ATP1B2: variants seen among roughly 807,000 people sequenced by gnomAD.
ATP1B2 encodes the protein sodium/potassium-transporting ATPase subunit beta-2.
A neutral mutation model predicts 37.3 loss-of-function variants in ATP1B2; 12 were observed. The observed-to-expected ratio is 0.32, with a 90% CI of 0.21 to 0.52. ATP1B2 has a LOEUF of 0.52. Ranked by LOEUF, ATP1B2 falls within the 20% of genes least tolerant of loss-of-function variation. The pLI, the probability that ATP1B2 is intolerant of heterozygous loss-of-function variation, is 0.96. For synonymous variants in ATP1B2, 139 were observed against 140.5 expected, an observed-to-expected ratio of 0.99 and a Z score of 0.07; for missense variants, 324 against 391.6, an observed-to-expected ratio of 0.83 and a Z score of 1.46.
chr17:7,647,049 A>G (rs956581620), upstream of ATP1B2, among the ~76,000 whole-genome samples: 1 of 149,186 alleles, frequency 6.7e-6, no homozygotes, highest in Non-Finnish European at 1.5e-5. Context: ...TTGGATCACC[A>G]TGATCACGCC....
Position 7,655,099 on chromosome 17 carries a change from C to T in ATP1B2, c.609+415C>T, listed in dbSNP as rs2072641183. The T allele has an allele frequency of 6.5e-6, 2 of 307,498 alleles. No individual in the cohort carries two copies. The highest frequency in any genetic ancestry group is 9.1e-5 in the South Asian group (2 of 21,928). The allele number at this position is 307,498 out of a possible 1,614,324, so 19.0% of individuals were successfully genotyped here. A position where few individuals can be genotyped will look rare whatever the true frequency, so the allele number is the denominator to read the frequency against. ...CTGTTAGCACCATCTGCCACCAGTT[C>T]GTTGTCCTTGGGACCCTGTTCCCCG... On this transcript the variant is annotated intron_variant, in intron 5 of 6. Transcript: ENST00000250111. This position sits in a 1 kb window ranked among gnomAD's most constrained non-coding sequence, Gnocchi z 4.4.
At position 7,656,036 on chromosome 17, in the gene ATP1B2, G is replaced by C; in HGVS notation, c.*141G>C. On this transcript the variant is annotated 3_prime_UTR_variant, in exon 7 of 7. Coordinates refer to ENST00000250111, the MANE Select transcript of ATP1B2 (RefSeq NM_001678.5). Reference sequence around the variant, plus strand: ...GTCTGAGCCTCACATCCTTTTCCTTGACTTCTCAACCCAGCCTGAAGTCCA... The same window carrying C: ...GTCTGAGCCTCACATCCTTTTCCTTCACTTCTCAACCCAGCCTGAAGTCCA... 5.1e-6 allele frequency: 6 copies of C among 1,186,046 alleles called. No homozygotes were observed. In the South Asian group the frequency reaches 7.7e-5, roughly 15 times the overall value. 73.5% of individuals were successfully genotyped at this position (1,186,046 alleles called of 1,614,324 possible).
Position 7,656,220 on chromosome 17 carries a change from G to A in ATP1B2, c.*325G>A, listed in dbSNP as rs982045682. 1 of 333,140 alleles carries A rather than the reference G, an allele frequency of 3.0e-6. No individual in the cohort carries two copies. Among genetic ancestry groups the A allele is most frequent in the Non-Finnish European group, 5.7e-6 (1 of 176,684 alleles). 20.6% of individuals were successfully genotyped at this position (333,140 alleles called of 1,614,324 possible). A position where few individuals can be genotyped will look rare whatever the true frequency, so the allele number is the denominator to read the frequency against. On this transcript the variant is annotated 3_prime_UTR_variant, in exon 7 of 7. Coordinates refer to ENST00000250111, the MANE Select transcript of ATP1B2 (RefSeq NM_001678.5). ...TCTCCTGCCTGCATATCCCCTGAGA[G>A]TTATAGGAAGTGCCCACTGACCCAC...
rs747942023 is a variant in ATP1B2, at chr17:7,653,487, C to T, written c.226C>T (p.Arg76Ter). The change falls in exon 2 of 7, where the codon CGA (arginine) becomes TGA (stop). Residue 76 changes from arginine to a stop codon, truncating the protein, a stop_gained. Transcript: ENST00000250111. LOFTEE classifies it high-confidence loss of function. ...CGACCATACCCCCAAGTACCAGGAC[C>T]GACTGGCCACACCGGGTGAGTGTGG... is the stretch of plus-strand genomic sequence containing the variant. ...VSDHTPKYQD[R>*]LATPGLMIRP... 4 of 1,613,944 alleles carry T rather than the reference C, an allele frequency of 2.5e-6. No homozygotes were observed. Among genetic ancestry groups the T allele is most frequent in the East Asian group, 2.2e-5 (1 of 44,896 alleles).
In ATP1B2 at chr17:7,655,344, A is replaced by C. The variant is rs1292272840; in HGVS notation, c.610-183A>C. On this transcript the variant is annotated intron_variant, in intron 5 of 6. Transcript: ENST00000250111. This position sits in a 1 kb window ranked among gnomAD's most constrained non-coding sequence, Gnocchi z 4.4. ...CCTAGAATGATGACAGGGACAGACC[A>C]TCCCCTCATCTACACACGCACATGC... is the stretch of plus-strand genomic sequence containing the variant. 3 of 613,010 alleles carry C rather than the reference A, an allele frequency of 4.9e-6. No individual in the cohort carries two copies. Among genetic ancestry groups the C allele is most frequent in the Non-Finnish European group, 8.6e-6 (3 of 348,656 alleles). The allele number at this position is 613,010 out of a possible 1,614,324, so 38.0% of individuals were successfully genotyped here. A position where few individuals can be genotyped will look rare whatever the true frequency, so the allele number is the denominator to read the frequency against.
Position 7,656,086 on chromosome 17 carries a change from C to T in ATP1B2, c.*191C>T. 1.4e-6 allele frequency: 1 copy of T among 730,938 alleles called. No homozygotes were observed. The highest frequency in any genetic ancestry group is 2.2e-6 in the Non-Finnish European group (1 of 458,044). The allele number at this position is 730,938 out of a possible 1,614,324, so 45.3% of individuals were successfully genotyped here. On this transcript the variant is annotated 3_prime_UTR_variant, in exon 7 of 7. Transcript: ENST00000250111. The stretch of plus-strand genomic sequence containing the variant: ...ATTGCGGTTCCGTCACTCGCCTTTC[C>T]CACCAACTTCTCCCAACCTCAGATC...
upstream of ATP1B2, among the ~76,000 whole-genome samples, chr17:7,647,182 A>G (rs2072580396): frequency 6.6e-6 from 1 of 151,570 alleles, no homozygotes; most frequent in Non-Finnish European, 1.5e-5. Context: ...GAACTTGGCT[A>G]TGAACGTGGA....
upstream of ATP1B2, among the ~76,000 whole-genome samples, chr17:7,649,372 C>A (rs536453218): frequency 1.3e-5 from 2 of 151,962 alleles, no homozygotes; most frequent in African/African-American, 2.4e-5. Flanking sequence ...CTGGGCCTGG[C>A]CGAGATAATG....
At chr17:7,652,606 G>A (rs184058005) in intron 1 of ATP1B2, among the ~76,000 whole-genome samples, 1 of 152,332 alleles carries the variant, frequency 6.6e-6, no homozygotes, top group East Asian at 1.9e-4. Context: ...CAATGCTTGG[G>A]AGAGCCAGAG....
chr17:7,647,099 CAAA>C (rs34937578), upstream of ATP1B2, among the ~76,000 whole-genome samples: 11 of 78,280 alleles, frequency 1.4e-4, no homozygotes, highest in East Asian at 3.3e-4. Flanking sequence ...GAGACTATCT[CAAA>C]AAAAAAAAAA....
chr17:7,654,279 A>G lies in ATP1B2; in HGVS notation c.552+22A>G. 2 of 1,612,806 alleles carry G rather than the reference A, an allele frequency of 1.2e-6. No homozygotes were observed. Among genetic ancestry groups the G allele is most frequent in the Non-Finnish European group, 1.7e-6 (2 of 1,179,228 alleles). On this transcript the variant is annotated intron_variant, in intron 4 of 6. Coordinates refer to ENST00000250111, the MANE Select transcript of ATP1B2 (RefSeq NM_001678.5). The surrounding 1 kb of genome is among the most constrained non-coding windows in gnomAD (Gnocchi z 4.9). ...CCGGGTATCTATGACCTTGGTCCCC[A>G]GGGTGAATGGAGGAAGGATCTGGGG...
chr17:7,650,381 G>T (rs140069937), upstream of ATP1B2, among the ~76,000 whole-genome samples: 733 of 152,238 alleles, frequency 4.8e-3, 5 homozygotes, highest in African/African-American at 0.017. Context: ...GGCGTCTGGG[G>T]GACTGGTAGC....
Position 7,654,094 on chromosome 17 carries a change from G to T in ATP1B2, c.389G>T (p.Arg130Leu). The change falls in exon 4 of 7, where the codon CGC becomes CTC. Residue 130 changes from arginine to leucine, a missense_variant. Transcript: ENST00000250111. This position sits in a 1 kb window ranked among gnomAD's most constrained non-coding sequence, Gnocchi z 4.9. The part of the protein sequence containing the change: ...SIQAQKNDVC[R>L]PGRYYEQPDN... ...CAAGCCCAAAAGAATGATGTCTGCC[G>T]CCCTGGACGCTATTACGAACAGCCA... 1.2e-6 allele frequency: 2 copies of T among 1,614,128 alleles called. No homozygotes were observed. The highest frequency in any genetic ancestry group is 8.5e-7 in the Non-Finnish European group (1 of 1,180,028).
rs2072636390 is a variant in ATP1B2, at chr17:7,654,475, G to T, written c.553-153G>T. Among the ~76,000 whole-genome samples, 1 of 151,824 alleles carries T rather than the reference G, an allele frequency of 6.6e-6. No homozygotes were observed. The highest frequency in any genetic ancestry group is 2.4e-5 in the African/African-American group (1 of 41,328). ...TTTTTAGACAGGGTCTTGCTATGTT[G>T]CCCAGGCTGGCCTTGAACTCCTGGA... is the stretch of plus-strand genomic sequence containing the variant. On this transcript the variant is annotated intron_variant, in intron 4 of 6. Coordinates refer to ENST00000250111, the MANE Select transcript of ATP1B2 (RefSeq NM_001678.5). This position sits in a 1 kb window ranked among gnomAD's most constrained non-coding sequence, Gnocchi z 4.9.
upstream of ATP1B2, chr17:7,646,661 A>G (rs2072577548): frequency 6.6e-6 from 1 of 152,254 alleles, no homozygotes; most frequent in African/African-American, 2.4e-5. Context: ...TGGGGAACCT[A>G]CAACGTGTGG....
chr17:7,653,837 G>A lies in ATP1B2; in HGVS notation c.242-4G>A. On this transcript the variant is annotated splice_polypyrimidine_tract_variant and splice_region_variant and intron_variant, in intron 2 of 6. Coordinates refer to ENST00000250111, the MANE Select transcript of ATP1B2 (RefSeq NM_001678.5). ...CCCCCAACTTCTGCCTTTGTTGGCT[G>A]TAGGCTTGATGATTCGCCCCAAGAC... 6.2e-7 allele frequency: 1 copy of A among 1,613,974 alleles called. No individual in the cohort carries two copies. Among genetic ancestry groups the A allele is most frequent in the South Asian group, 1.1e-5 (1 of 91,070 alleles).
upstream of ATP1B2, among the ~76,000 whole-genome samples, chr17:7,649,792 T>C (rs987193278): frequency 6.6e-6 from 1 of 151,676 alleles, no homozygotes; most frequent in African/African-American, 2.4e-5. Flanking sequence ...TCTCCTGACC[T>C]CGTGATCCAC....
At chr17:7,649,272 T>TGAACTCCTGACCTCTGGTCTC (rs1234465605), upstream of ATP1B2, among the ~76,000 whole-genome samples, 27 of 152,026 alleles carry the variant, frequency 1.8e-4, no homozygotes, top group Admixed American at 1.7e-3. Context: ...AGGCTGGTCT[T>TGAACTCCTGACCTCTGGTCTC]GAACTCCTGA....
At chr17:7,650,893 G>A (rs183268055), upstream of ATP1B2, among the ~76,000 whole-genome samples, 2 of 152,172 alleles carry the variant, frequency 1.3e-5, no homozygotes. Context: ...GAGCCGCAGA[G>A]TATAAAGACC....
Sources: gnomAD v4.1 joint callset for allele counts (sites outside exome capture counted in the v4.1 genomes callset) on GRCh38, gnomAD v4.1.1 for gene constraint, Gnocchi (gnomAD v3.1) non-coding constraint, MANE v1.5 for transcripts, NCBI Gene and HGNC (gene_info 2026-07-23, HGNC 2026-07-21) for gene names.